The following CDH18 variants were observed in gnomAD, a reference collection of about 807,000 sequenced individuals.
The protein encoded by CDH18 is cadherin 18, also known as cadherin-18.
A neutral mutation model predicts 67.9 loss-of-function variants in CDH18; 31 were observed. That is an observed-to-expected ratio of 0.46 (90% CI 0.34 to 0.62). The LOEUF (loss-of-function observed/expected upper bound fraction) is 0.62, where lower values mean the gene tolerates loss of function less well. CDH18 is among the 20% of genes least tolerant of loss of function. The probability of loss-of-function intolerance (pLI) is 0.01; values close to 1 mark genes in which losing one functional copy is unlikely to be tolerated. For synonymous variants in CDH18, 362 were observed against 347.2 expected, an observed-to-expected ratio of 1.04 and a Z score of -0.48; for missense variants, 890 against 975.5, an observed-to-expected ratio of 0.91 and a Z score of 1.17.
intron 2 of CDH18, among the ~76,000 whole-genome samples, chr5:20,104,403 A>G (rs760271938): frequency 1.3e-5 from 2 of 152,166 alleles, no homozygotes; most frequent in African/African-American, 2.4e-5. Context: ...GATACATCTT[A>G]GCATTTTTGA....
intron 1 of CDH18, among the ~76,000 whole-genome samples, chr5:20,538,909 G>GTTTTTTTTTTTTTTT (rs35247774): frequency 2.5e-4 from 30 of 118,724 alleles, no homozygotes; most frequent in African/African-American, 9.0e-4. Context: ...TTTTTTTTTT[G>GTTTTTTTTTTTTTTT]TTTTTTTTTT....
chr5:19,955,458 T>G (rs892854986), intron 2 of CDH18, among the ~76,000 whole-genome samples: 1 of 152,106 alleles, frequency 6.6e-6, no homozygotes, highest in African/African-American at 2.4e-5. Flanking sequence ...AGATGATGAA[T>G]TTAAATTTTA....
intron 1 of CDH18, among the ~76,000 whole-genome samples, chr5:20,410,658 T>C (rs1200456823): frequency 1.3e-5 from 2 of 151,386 alleles, no homozygotes; most frequent in Non-Finnish European, 3.0e-5. Flanking sequence ...GCAAGATCCA[T>C]TGAACATAAA....
At chr5:20,340,289 C>A (rs550846585) in intron 1 of CDH18, among the ~76,000 whole-genome samples, 128 of 152,248 alleles carry the variant, frequency 8.4e-4, no homozygotes, top group African/African-American at 2.9e-3. Context: ...AGCCATAGGA[C>A]CAGATAACAC....
intron 3 of CDH18, among the ~76,000 whole-genome samples, chr5:19,797,952 G>A (rs1777033086): frequency 6.6e-6 from 1 of 152,072 alleles, no homozygotes; most frequent in South Asian, 2.1e-4. Context: ...GGACAAGACA[G>A]TGTGGTGTTG....
intron 3 of CDH18, among the ~76,000 whole-genome samples, chr5:19,787,789 T>C (rs868510571): frequency 1.3e-4 from 19 of 143,588 alleles, no homozygotes; most frequent in Admixed American, 4.9e-4. Context: ...AAGTGTCCAA[T>C]GAATAGCAGT....
upstream of CDH18, among the ~76,000 whole-genome samples, chr5:19,993,177 T>A (rs568111505): frequency 6.6e-6 from 1 of 152,226 alleles, no homozygotes; most frequent in Admixed American, 6.5e-5. Context: ...AAGTAGAAAT[T>A]CCATAGCTGT....
intron 2 of CDH18, among the ~76,000 whole-genome samples, chr5:20,037,008 C>T (rs943394972): frequency 3.3e-5 from 5 of 151,842 alleles, no homozygotes; most frequent in African/African-American, 9.7e-5. Flanking sequence ...CTATGTGTGT[C>T]TTTGCACGTG....
At chr5:19,578,068 A>C (rs1026021850) in intron 7 of CDH18, among the ~76,000 whole-genome samples, 2 of 152,162 alleles carry the variant, frequency 1.3e-5, no homozygotes, top group Admixed American at 6.6e-5. Flanking sequence ...TTTACCAAGG[A>C]AAGAGGAAGT....
intron 2 of CDH18, among the ~76,000 whole-genome samples, chr5:20,057,753 C>T (rs1363874834): frequency 2.6e-5 from 4 of 151,886 alleles, no homozygotes; most frequent in Admixed American, 2.0e-4. Flanking sequence ...ACTTTTTTTT[C>T]TAATTTGTTT....
intron 4 of CDH18, among the ~76,000 whole-genome samples, chr5:19,727,083 C>T (rs953488453): frequency 1.3e-5 from 2 of 152,122 alleles, no homozygotes; most frequent in South Asian, 4.1e-4. Context: ...TAGACTATGG[C>T]TTTCTGTTAT....
intron 2 of CDH18, among the ~76,000 whole-genome samples, chr5:20,204,414 TGAA>T (rs1404625875): frequency 6.6e-6 from 1 of 151,804 alleles, no homozygotes; most frequent in African/African-American, 2.4e-5. Context: ...CCTTCAAATA[TGAA>T]GGAGAGAGAA....
intron 2 of CDH18, among the ~76,000 whole-genome samples, chr5:20,255,113 T>C (rs1301172891): frequency 1.3e-5 from 2 of 151,886 alleles, no homozygotes; most frequent in Non-Finnish European, 2.9e-5. Flanking sequence ...ACAAAAGACA[T>C]GGAAGACCAC....
intron 3 of CDH18, among the ~76,000 whole-genome samples, chr5:19,823,972 T>A (rs943543553): frequency 2.0e-5 from 3 of 152,076 alleles, no homozygotes; most frequent in Non-Finnish European, 4.4e-5. Context: ...TGCTCCTAAA[T>A]GACTTTTGAG....
chr5:20,296,415 C>G (rs1747535580), intron 1 of CDH18, among the ~76,000 whole-genome samples: 1 of 150,980 alleles, frequency 6.6e-6, no homozygotes, highest in Non-Finnish European at 1.5e-5. Context: ...GCGCCCGCCA[C>G]CACGCCTGGA....
intron 2 of CDH18, among the ~76,000 whole-genome samples, chr5:20,016,194 A>G (rs1737861405): frequency 6.6e-6 from 1 of 152,118 alleles, no homozygotes; most frequent in South Asian, 2.1e-4. Context: ...CATCATTTTT[A>G]GCAAACTAAC....
chr5:19,529,312 C>G (rs547945812), intron 9 of CDH18, among the ~76,000 whole-genome samples: 2 of 152,068 alleles, frequency 1.3e-5, no homozygotes, highest in South Asian at 4.1e-4. Flanking sequence ...GAACACTTAG[C>G]AAGTTACAAA....
At chr5:20,496,220 C>T (rs1424466577) in intron 1 of CDH18, among the ~76,000 whole-genome samples, 2 of 152,094 alleles carry the variant, frequency 1.3e-5, no homozygotes, top group South Asian at 4.2e-4. Context: ...ATTGCAAACC[C>T]CCTGGGTAAA....
At chr5:20,569,686 A>G (rs1758701231) in intron 1 of CDH18, among the ~76,000 whole-genome samples, 2 of 152,166 alleles carry the variant, frequency 1.3e-5, no homozygotes, top group South Asian at 4.1e-4. Context: ...TATTTACCCA[A>G]ATGAGTTGAA....
Sources: gnomAD v4.1 joint callset for allele counts (sites outside exome capture counted in the v4.1 genomes callset) on GRCh38, gnomAD v4.1.1 for gene constraint, MANE v1.5 for transcripts, NCBI Gene and HGNC (gene_info 2026-07-23, HGNC 2026-07-21) for gene names.